PTPRG: variants seen among roughly 807,000 people sequenced by gnomAD.
PTPRG encodes protein tyrosine phosphatase receptor type G, also known as receptor-type tyrosine-protein phosphatase gamma.
PTPRG carries 102 observed loss-of-function variants against 165.3 expected under a neutral mutation model. The ratio of observed to expected loss-of-function variants is 0.62; its 90% CI spans 0.53 to 0.73. PTPRG has a LOEUF of 0.73. Among genes scored for constraint, PTPRG ranks in the 30% least tolerant of loss-of-function variants. The pLI is 0.00. For synonymous variants in PTPRG, 675 were observed against 669.5 expected (o/e 1.01, Z -0.13); for missense variants, 1,866 against 1,861.4 (o/e 1.00, Z -0.05).
intron 4 of PTPRG, among the ~76,000 whole-genome samples, chr3:62,054,944 A>G (rs565170069): frequency 3.3e-5 from 5 of 152,306 alleles, no homozygotes; most frequent in African/African-American, 1.2e-4. Flanking sequence ...CCATGGGGAA[A>G]TGGGTCAGGG....
chr3:62,052,854 A>T (rs75168150), intron 4 of PTPRG, among the ~76,000 whole-genome samples: 71 of 152,340 alleles, frequency 4.7e-4, no homozygotes, highest in Middle Eastern at 3.4e-3. Flanking sequence ...TTCAACCATA[A>T]GGAAAACACC....
intron 2 of PTPRG, among the ~76,000 whole-genome samples, chr3:61,984,821 T>C (rs969392816): frequency 6.6e-6 from 1 of 152,224 alleles, no homozygotes; most frequent in Admixed American, 6.5e-5. Context: ...TCTCTGACAG[T>C]GTTTTAGTCT....
chr3:62,178,584 C>T (rs1439299592), intron 8 of PTPRG, among the ~76,000 whole-genome samples: 3 of 152,202 alleles, frequency 2.0e-5, no homozygotes, highest in Non-Finnish European at 4.4e-5. Flanking sequence ...CCTCAAGGAA[C>T]AGCCTAAAAG....
At chr3:62,004,171 A>G (rs951075397) in intron 4 of PTPRG, among the ~76,000 whole-genome samples, 8 of 152,158 alleles carry the variant, frequency 5.3e-5, no homozygotes, top group African/African-American at 1.9e-4. Flanking sequence ...ATCTCTTCCA[A>G]TGCCAACCTT....
intron 2 of PTPRG, among the ~76,000 whole-genome samples, chr3:61,877,760 A>T (rs181982189): frequency 1.7e-3 from 260 of 152,358 alleles, no homozygotes; most frequent in Non-Finnish European, 3.0e-3. Context: ...TTGGTAAAAG[A>T]AAAAAGTCTT....
rs1225275864 is a variant in PTPRG at position 61,752,796 on chromosome 3, A to AAAAAAAAAAAG, written c.190+3819_190+3820insAAAAAGAAAAA. ...GAGCAAGACTGTCTCAAAAAAAAAA[A>AAAAAAAAAAAG]AAAAAGAAAAAAAAAAAGAAAATAT... On this transcript the variant is annotated intron_variant, in intron 2 of 29. Coordinates refer to ENST00000474889, the MANE Select transcript of PTPRG (RefSeq NM_002841.4). Among the ~76,000 whole-genome samples, 4 of 82,016 alleles carry AAAAAAAAAAAG rather than the reference A, an allele frequency of 4.9e-5. No homozygotes were observed. In the Admixed American group the frequency reaches 6.4e-4, roughly 13 times the overall value. 53.8% of individuals were successfully genotyped at this position (82,016 alleles called of 152,430 possible).
intron 2 of PTPRG, among the ~76,000 whole-genome samples, chr3:61,895,995 A>T (rs1575762587): frequency 6.6e-6 from 1 of 152,164 alleles, no homozygotes; most frequent in East Asian, 1.9e-4. Context: ...ATATCACAGG[A>T]TATTGATATG....
chr3:62,031,830 A>G (rs377449221), intron 4 of PTPRG, among the ~76,000 whole-genome samples: 5 of 152,162 alleles, frequency 3.3e-5, no homozygotes, highest in South Asian at 4.1e-4. Flanking sequence ...GGTTTGTGCA[A>G]CTAGGTCCAA....
chr3:61,852,171 T>C (rs1257657225), intron 2 of PTPRG, among the ~76,000 whole-genome samples: 1 of 152,230 alleles, frequency 6.6e-6, no homozygotes, highest in Non-Finnish European at 1.5e-5. Flanking sequence ...CAGTATTAGC[T>C]GATACTACTT....
intron 2 of PTPRG, among the ~76,000 whole-genome samples, chr3:61,790,272 A>G (rs2034832204): frequency 6.6e-6 from 1 of 152,146 alleles, no homozygotes; most frequent in Admixed American, 6.6e-5. Context: ...GGGGTGGTGA[A>G]CCATTCGAGT....
At chr3:61,686,611 G>A (rs1356072462) in intron 1 of PTPRG, among the ~76,000 whole-genome samples, 1 of 152,218 alleles carries the variant, frequency 6.6e-6, no homozygotes, top group Non-Finnish European at 1.5e-5. Context: ...CCTTGCATCA[G>A]TGTTTGGATT....
In PTPRG at chr3:62,195,741, G is replaced by A. The variant is rs982141864; in HGVS notation, c.1327+571G>A. ...TTTGCCTTTGCTCAAAATTTTAAGGGGCACCAAAAAATTGAGTGACCAAGA... is the reference window on the plus strand; with the variant it reads ...TTTGCCTTTGCTCAAAATTTTAAGGAGCACCAAAAAATTGAGTGACCAAGA... On this transcript the variant is annotated intron_variant, in intron 10 of 29. Transcript: ENST00000474889. This position sits in a 1 kb window ranked among gnomAD's most constrained non-coding sequence, Gnocchi z 4.4. 6.6e-6 allele frequency among the ~76,000 whole-genome samples: 1 copy of A among 152,018 alleles called. No individual in the cohort carries two copies. The highest frequency in any genetic ancestry group is 1.5e-5 in the Non-Finnish European group (1 of 68,006).
At chr3:61,942,768 T>C (rs1202815568) in intron 2 of PTPRG, among the ~76,000 whole-genome samples, 1 of 152,218 alleles carries the variant, frequency 6.6e-6, no homozygotes, top group Admixed American at 6.5e-5. Flanking sequence ...ATCTCAAAAG[T>C]ATTGCTTCTC....
In PTPRG at chr3:62,245,094, A is replaced by G. The variant is rs1701260872; in HGVS notation, c.2467+1196A>G. ...TTTCTCACTAAAACTTGCCACACAGAAACAAGAAGATTAACAGAAAGTCTC... is the reference window on the plus strand; with the variant it reads ...TTTCTCACTAAAACTTGCCACACAGGAACAAGAAGATTAACAGAAAGTCTC... On this transcript the variant is annotated intron_variant, in intron 15 of 29. Coordinates refer to ENST00000474889, the MANE Select transcript of PTPRG (RefSeq NM_002841.4). This position sits in a 1 kb window ranked among gnomAD's most constrained non-coding sequence, Gnocchi z 4.2. Among the ~76,000 whole-genome samples the G allele has an allele frequency of 6.6e-6, 1 of 152,200 alleles. No individual in the cohort carries two copies. Among genetic ancestry groups the G allele is most frequent in the African/African-American group, 2.4e-5 (1 of 41,456 alleles).
chr3:61,829,081 C>T (rs917215988), intron 2 of PTPRG, among the ~76,000 whole-genome samples: 4 of 152,056 alleles, frequency 2.6e-5, no homozygotes, highest in East Asian at 3.9e-4. Flanking sequence ...TGCCCGAGTA[C>T]GTGCCTATGA....
intron 2 of PTPRG, among the ~76,000 whole-genome samples, chr3:61,801,116 A>G (rs1559619288): frequency 6.6e-6 from 1 of 152,168 alleles, no homozygotes; most frequent in African/African-American, 2.4e-5. Flanking sequence ...CTGCTTCTGC[A>G]AAACAGATGC....
intron 1 of PTPRG, among the ~76,000 whole-genome samples, chr3:61,595,614 T>C (rs970053611): frequency 1.1e-4 from 17 of 152,228 alleles, no homozygotes; most frequent in Admixed American, 9.2e-4. Flanking sequence ...AGACATTATA[T>C]TCATAGGCTA....
Position 61,611,098 on chromosome 3 carries a change from G to C in PTPRG, c.85+48726G>C, listed in dbSNP as rs181253630. Among the ~76,000 whole-genome samples, 378 of 152,220 alleles carry C rather than the reference G, an allele frequency of 2.5e-3. 1 individual carries two copies. The highest frequency in any genetic ancestry group is 8.8e-3 in the African/African-American group (365 of 41,528). On this transcript the variant is annotated intron_variant, in intron 1 of 29. Coordinates refer to ENST00000474889, the MANE Select transcript of PTPRG (RefSeq NM_002841.4). ...ATTACAGGCATGAGCCACCGAGTCC[G>C]GTGTATTCTTTCTTTTTCTAAACGG... is the stretch of plus-strand genomic sequence containing the variant.
At chr3:61,865,785 G>GC (rs1302516297) in intron 2 of PTPRG, among the ~76,000 whole-genome samples, 1 of 152,136 alleles carries the variant, frequency 6.6e-6, no homozygotes, top group Non-Finnish European at 1.5e-5. Flanking sequence ...TCCTCTGATG[G>GC]CCACACAGCC....
Sources: allele counts gnomAD v4.1 joint callset (sites outside exome capture counted in the v4.1 genomes callset), GRCh38; gene constraint gnomAD v4.1.1; non-coding constraint Gnocchi (gnomAD v3.1); transcripts MANE v1.5; gene names NCBI Gene and HGNC (gene_info 2026-07-23, HGNC 2026-07-21).